The following GABRG3 variants were observed in gnomAD, a reference collection of about 807,000 sequenced individuals.
GABRG3 encodes gamma-aminobutyric acid type A receptor subunit gamma3, also known as gamma-aminobutyric acid receptor subunit gamma-3.
A neutral mutation model predicts 48.8 loss-of-function variants in GABRG3; 25 were observed. That is an observed-to-expected ratio of 0.51 (90% CI 0.37 to 0.72). The LOEUF is 0.72. Among genes scored for constraint, GABRG3 ranks in the 30% least tolerant of loss-of-function variants. The pLI is 0.00. For synonymous variants in GABRG3, 227 were observed against 217.6 expected (o/e 1.04, Z -0.38); for missense variants, 394 against 577.9 (o/e 0.68, Z 3.26).
At chr15:27,438,563 A>C (rs569620802) in intron 5 of GABRG3, among the ~76,000 whole-genome samples, 1 of 152,294 alleles carries the variant, frequency 6.6e-6, no homozygotes, top group East Asian at 1.9e-4. Context: ...CCGTCTGCTC[A>C]GAGCCCACAT....
intron 2 of GABRG3, among the ~76,000 whole-genome samples, chr15:26,977,897 A>C (rs1894982463): frequency 6.6e-6 from 1 of 152,240 alleles, no homozygotes; most frequent in Non-Finnish European, 1.5e-5. Flanking sequence ...AGGAACCGTC[A>C]AACTGTTTTC....
chr15:27,388,096 AAGGGAGGGAG>A (rs1896019018), intron 5 of GABRG3, among the ~76,000 whole-genome samples: 3 of 40,024 alleles, frequency 7.5e-5, no homozygotes, highest in East Asian at 6.1e-4. Flanking sequence ...GGAGGGAGGA[AAGGGAGGGAG>A]GGAAAAGAAG....
intron 5 of GABRG3, among the ~76,000 whole-genome samples, chr15:27,394,917 G>A (rs1290180455): frequency 6.6e-6 from 1 of 152,008 alleles, no homozygotes; most frequent in South Asian, 2.1e-4. Flanking sequence ...TGACTATTAT[G>A]TGCTTAGGTG....
At chr15:27,188,664 C>T (rs1001564573) in intron 3 of GABRG3, among the ~76,000 whole-genome samples, 7 of 151,700 alleles carry the variant, frequency 4.6e-5, no homozygotes, top group Non-Finnish European at 1.0e-4. Flanking sequence ...AAATTTTCTC[C>T]CATTTTGTGG....
intron 3 of GABRG3, among the ~76,000 whole-genome samples, chr15:27,110,353 T>C (rs1455760816): frequency 6.6e-6 from 1 of 152,126 alleles, no homozygotes; most frequent in South Asian, 2.1e-4. Context: ...ATTTAACTTA[T>C]ATATATACTA....
intron 2 of GABRG3, among the ~76,000 whole-genome samples, chr15:27,018,731 C>G (rs957877497): frequency 1.3e-5 from 2 of 152,184 alleles, no homozygotes; most frequent in African/African-American, 4.8e-5. Context: ...ACTTTACCGT[C>G]TCAGGGCTTC....
intron 3 of GABRG3, among the ~76,000 whole-genome samples, chr15:27,296,559 G>A (rs1330997329): frequency 2.0e-5 from 3 of 152,094 alleles, no homozygotes; most frequent in African/African-American, 7.2e-5. Context: ...TGATGTTTCA[G>A]TCAACAGTGG....
intron 3 of GABRG3, among the ~76,000 whole-genome samples, chr15:27,126,611 G>A (rs1897825634): frequency 6.6e-6 from 1 of 152,184 alleles, no homozygotes; most frequent in Non-Finnish European, 1.5e-5. Flanking sequence ...CTGGGGCGAG[G>A]CCTTTCCGAG....
chr15:27,340,735 G>A (rs1279516986), intron 5 of GABRG3: 1 of 164,972 alleles, frequency 6.1e-6, no homozygotes, highest in Non-Finnish European at 1.3e-5. Flanking sequence ...CTTTATACTA[G>A]TCAGACATTT....
chr15:27,037,772 C>T (rs1566916399), intron 3 of GABRG3, among the ~76,000 whole-genome samples: 1 of 152,296 alleles, frequency 6.6e-6, no homozygotes, highest in East Asian at 1.9e-4. Flanking sequence ...TCTGCTCTTT[C>T]TGGCTGCTGG....
chr15:27,529,830 A>C (rs1312297364), intron 9 of GABRG3, among the ~76,000 whole-genome samples: 2 of 3,052 alleles, frequency 6.6e-4, no homozygotes, highest in Non-Finnish European at 1.4e-3. Flanking sequence ...TGCCAAAAGA[A>C]GAAAAAAAAT....
At chr15:27,306,051 T>C (rs1305947701) in intron 3 of GABRG3, among the ~76,000 whole-genome samples, 1 of 95,490 alleles carries the variant, frequency 1.0e-5, no homozygotes, top group Non-Finnish European at 1.9e-5. Flanking sequence ...ATATATAATA[T>C]AAACCTATAT....
At chr15:27,383,636 G>A (rs905907292) in intron 5 of GABRG3, among the ~76,000 whole-genome samples, 1 of 152,076 alleles carries the variant, frequency 6.6e-6, no homozygotes, top group Non-Finnish European at 1.5e-5. Flanking sequence ...ACCGGAACAT[G>A]GGTCACCTAG....
At chr15:27,303,271 G>T (rs1892274615) in intron 3 of GABRG3, among the ~76,000 whole-genome samples, 2 of 148,716 alleles carry the variant, frequency 1.3e-5, no homozygotes, top group Admixed American at 1.3e-4. Flanking sequence ...GAATTGAAAA[G>T]AAATGGGACT....
chr15:27,010,183 A>G (rs2140665608), intron 2 of GABRG3, among the ~76,000 whole-genome samples: 1 of 152,290 alleles, frequency 6.6e-6, no homozygotes, highest in Admixed American at 6.5e-5. Flanking sequence ...GATATGTCAC[A>G]TACCTAGGTT....
intron 5 of GABRG3, among the ~76,000 whole-genome samples, chr15:27,353,111 G>C (rs773264511): frequency 6.6e-6 from 1 of 151,978 alleles, no homozygotes; most frequent in Non-Finnish European, 1.5e-5. Flanking sequence ...CACTGTCTTT[G>C]TAGGGACCCT....
intron 5 of GABRG3, among the ~76,000 whole-genome samples, chr15:27,409,616 T>C (rs570544471): frequency 4.5e-4 from 69 of 152,196 alleles, no homozygotes; most frequent in African/African-American, 1.1e-3. Flanking sequence ...GCTTATCTTA[T>C]GTAGCAAAAA....
At chr15:27,355,133 C>A (rs1262141055) in intron 5 of GABRG3, among the ~76,000 whole-genome samples, 1 of 152,190 alleles carries the variant, frequency 6.6e-6, no homozygotes, top group Non-Finnish European at 1.5e-5. Flanking sequence ...ACCTGCTTAT[C>A]TCTTAGACTG....
intron 5 of GABRG3, among the ~76,000 whole-genome samples, chr15:27,370,074 C>T (rs1326318226): frequency 6.6e-6 from 1 of 152,160 alleles, no homozygotes; most frequent in African/African-American, 2.4e-5. Flanking sequence ...CAAAGCCATT[C>T]TTTAAAATAT....
Sources: gnomAD v4.1 joint callset for allele counts (sites outside exome capture counted in the v4.1 genomes callset) on GRCh38, gnomAD v4.1.1 for gene constraint, MANE v1.5 for transcripts, NCBI Gene and HGNC (gene_info 2026-07-23, HGNC 2026-07-21) for gene names.